The following HDAC9 variants were observed in gnomAD, a reference collection of about 807,000 sequenced individuals.
The protein encoded by HDAC9 is histone deacetylase 9.
Under a neutral mutation model 139.4 loss-of-function variants are expected in HDAC9, and 41 were observed. The observed-to-expected ratio is 0.29, with a 90% CI of 0.23 to 0.38. The LOEUF (loss-of-function observed/expected upper bound fraction) is 0.38, where lower values mean the gene tolerates loss of function less well. Among genes scored for constraint, HDAC9 ranks in the 10% least tolerant of loss-of-function variants. The probability of loss-of-function intolerance (pLI) is 1.00; values close to 1 mark genes in which losing one functional copy is unlikely to be tolerated. For missense variants in HDAC9, 1,147 were observed against 1,297.0 expected (o/e 0.88, Z 1.78); for synonymous variants, 517 against 476.2 (o/e 1.09, Z -1.12).
At chr7:18,789,914 T>A (rs1585041638) in intron 16 of HDAC9, among the ~76,000 whole-genome samples, 1 of 152,188 alleles carries the variant, frequency 6.6e-6, no homozygotes, top group South Asian at 2.1e-4. Context: ...GCCCTCTTGA[T>A]GCTATCACTA....
chr7:18,600,143 A>G (rs1202771459), intron 6 of HDAC9, among the ~76,000 whole-genome samples: 2 of 151,850 alleles, frequency 1.3e-5, no homozygotes, highest in Non-Finnish European at 1.5e-5. Flanking sequence ...CATTTTTTAA[A>G]TTGGTTTTTT....
chr7:18,398,147 C>G (rs1428596708), intron 1 of HDAC9, among the ~76,000 whole-genome samples: 1 of 152,166 alleles, frequency 6.6e-6, no homozygotes, highest in Non-Finnish European at 1.5e-5. Context: ...TCCCTTGTAG[C>G]TTCTACTTAT....
At chr7:18,951,739 A>G (rs563587364) in intron 23 of HDAC9, among the ~76,000 whole-genome samples, 2 of 151,674 alleles carry the variant, frequency 1.3e-5, no homozygotes, top group Non-Finnish European at 2.9e-5. Context: ...CCAAATTTAT[A>G]AAAAATGAAT....
intron 1 of HDAC9, among the ~76,000 whole-genome samples, chr7:18,294,219 T>C (rs1276881009): frequency 2.6e-5 from 4 of 152,040 alleles, no homozygotes; most frequent in East Asian, 1.9e-4. Context: ...ACTGTCTACA[T>C]TGGGAGAGAG....
chr7:18,310,247 G>C (rs1799217969), intron 1 of HDAC9, among the ~76,000 whole-genome samples: 1 of 152,128 alleles, frequency 6.6e-6, no homozygotes, highest in Non-Finnish European at 1.5e-5. Flanking sequence ...TTGATTTTCT[G>C]TTTTACGTAT....
At chr7:18,732,036 T>C (rs1044416354) in intron 13 of HDAC9, among the ~76,000 whole-genome samples, 10 of 152,160 alleles carry the variant, frequency 6.6e-5, no homozygotes, top group African/African-American at 2.4e-4. Flanking sequence ...ATACATGTAT[T>C]TTTAGTAGAG....
intron 1 of HDAC9, among the ~76,000 whole-genome samples, chr7:18,144,014 C>A (rs966644262): frequency 6.6e-6 from 1 of 152,032 alleles, no homozygotes; most frequent in Admixed American, 6.6e-5. Context: ...AACATAAAAT[C>A]TTCATACCCT....
chr7:18,818,540 A>G (rs189460021), intron 17 of HDAC9, among the ~76,000 whole-genome samples: 1 of 152,318 alleles, frequency 6.6e-6, no homozygotes, highest in East Asian at 1.9e-4. Flanking sequence ...CACTGCAGCT[A>G]TACCTTTACC....
chr7:18,690,538 C>G (rs1381379636), intron 12 of HDAC9, among the ~76,000 whole-genome samples: 2 of 151,942 alleles, frequency 1.3e-5, no homozygotes, highest in Admixed American at 6.6e-5. Flanking sequence ...TGTTTCTTTT[C>G]TGGAATTAGA....
chr7:18,729,199 A>T (rs1404681900), intron 13 of HDAC9, among the ~76,000 whole-genome samples: 1 of 152,174 alleles, frequency 6.6e-6, no homozygotes, highest in African/African-American at 2.4e-5. Context: ...AGTGTCTTTT[A>T]TTCAACCCTA....
chr7:18,189,838 C>G (rs1790205186), intron 2 of HDAC9, among the ~76,000 whole-genome samples: 1 of 152,126 alleles, frequency 6.6e-6, no homozygotes, highest in African/African-American at 2.4e-5. Context: ...GTTTTTCTCA[C>G]ATTTTTAAGA....
At chr7:18,103,093 G>A (rs1291995666) in intron 1 of HDAC9, among the ~76,000 whole-genome samples, 1 of 152,138 alleles carries the variant, frequency 6.6e-6, no homozygotes, top group Non-Finnish European at 1.5e-5. Context: ...AGGAGCAAAG[G>A]CACATCTTAC....
Position 18,727,683 on chromosome 7 carries a change from C to G in HDAC9, c.1835C>G (p.Thr612Ser). The G allele has an allele frequency of 6.3e-7, 1 of 1,587,416 alleles. No homozygotes were observed. Among genetic ancestry groups the G allele is most frequent in the East Asian group, 2.3e-5 (1 of 42,970 alleles). The change falls in exon 13 of 26, where the codon ACT (threonine) becomes AGT (serine). Residue 612 changes from threonine (T) to serine (S), a missense_variant. Physicochemically the swap from Thr to Ser is moderately conservative, Grantham distance 58 (BLOSUM62 1). Transcript: ENST00000686413. Reference sequence around the variant, plus strand: ...GAGAAACACCGTCTCGTCTCCAGGACTCACTCTTCCCCTGCTGCCTCTGTT... The same window carrying G: ...GAGAAACACCGTCTCGTCTCCAGGAGTCACTCTTCCCCTGCTGCCTCTGTT... ...GLEKHRLVSR[T>S]HSSPAASVLP...
chr7:18,627,315 A>T (rs1040604032), intron 6 of HDAC9, among the ~76,000 whole-genome samples: 4 of 152,178 alleles, frequency 2.6e-5, no homozygotes, highest in Non-Finnish European at 4.4e-5. Flanking sequence ...GCATTATAAA[A>T]TCATATCTCC....
chr7:18,868,805 T>C (rs922591635), intron 21 of HDAC9, among the ~76,000 whole-genome samples: 3 of 152,126 alleles, frequency 2.0e-5, no homozygotes, highest in Admixed American at 6.6e-5. Context: ...ACCCTTCTTA[T>C]TGTAGGTCTT....
At chr7:18,373,072 C>T (rs1288105154) in intron 1 of HDAC9, among the ~76,000 whole-genome samples, 1 of 151,908 alleles carries the variant, frequency 6.6e-6, no homozygotes, top group Non-Finnish European at 1.5e-5. Context: ...TTAATATCTC[C>T]CCCATTATTT....
chr7:18,681,694 G>A (rs1781899678), intron 12 of HDAC9, among the ~76,000 whole-genome samples: 1 of 151,936 alleles, frequency 6.6e-6, no homozygotes, highest in Admixed American at 6.6e-5. Context: ...ATAGATACAT[G>A]CACAGTTTAG....
chr7:18,568,414 G>A (rs1823174933), intron 2 of HDAC9, among the ~76,000 whole-genome samples: 1 of 152,198 alleles, frequency 6.6e-6, no homozygotes, highest in African/African-American at 2.4e-5. Flanking sequence ...GGGGATAATA[G>A]TAAAGCTGTG....
intron 1 of HDAC9, among the ~76,000 whole-genome samples, chr7:18,338,225 C>A (rs996987472): frequency 5.9e-5 from 9 of 151,678 alleles, no homozygotes; most frequent in Non-Finnish European, 1.2e-4. Context: ...TATGCAGTAA[C>A]AACTCACCAT....
Sources: gnomAD v4.1 joint callset for allele counts (sites outside exome capture counted in the v4.1 genomes callset) on GRCh38, gnomAD v4.1.1 for gene constraint, MANE v1.5 for transcripts, NCBI Gene and HGNC (gene_info 2026-07-23, HGNC 2026-07-21) for gene names.